ERG: variants seen among roughly 807,000 people sequenced by gnomAD.
The protein encoded by ERG is ETS transcription factor ERG.
A neutral mutation model predicts 55.3 loss-of-function variants in ERG; 9 were observed. The observed-to-expected ratio is 0.16, with a 90% CI of 0.10 to 0.28. ERG has a LOEUF of 0.28. Ranked by LOEUF, ERG falls within the 10% of genes least tolerant of loss-of-function variation. The pLI is 1.00. For synonymous variants in ERG, 223 were observed against 237.3 expected, an observed-to-expected ratio of 0.94 and a Z score of 0.55; for missense variants, 434 against 631.6, an observed-to-expected ratio of 0.69 and a Z score of 3.35.
chr21:38,376,834 A>C (rs1987256289), downstream of ERG, among the ~76,000 whole-genome samples: 1 of 152,322 alleles, frequency 6.6e-6, no homozygotes, highest in African/African-American at 2.4e-5. Flanking sequence ...TGTGTTCTCC[A>C]TCAAAGCGGC....
chr21:38,480,589 G>C (rs1394800163), intron 1 of ERG, among the ~76,000 whole-genome samples: 1 of 36,894 alleles, frequency 2.7e-5, no homozygotes, highest in Non-Finnish European at 6.7e-5. Context: ...GCACTATATG[G>C]CCTTTTTTTT....
chr21:38,527,369 T>C (rs75562708), intron 2 of ERG, among the ~76,000 whole-genome samples: 1,715 of 152,306 alleles, frequency 0.011, 42 homozygotes, highest in African/African-American at 0.039. Context: ...TCAGAATCTC[T>C]GAGGTGGACC....
chr21:38,623,608 T>A (rs1294745653), intron 1 of ERG, among the ~76,000 whole-genome samples: 1 of 152,184 alleles, frequency 6.6e-6, no homozygotes, highest in African/African-American at 2.4e-5. Flanking sequence ...AGAGCTCATG[T>A]GTGTGTTAGT....
At chr21:38,525,727 A>C (rs540718988) in intron 2 of ERG, among the ~76,000 whole-genome samples, 1 of 152,276 alleles carries the variant, frequency 6.6e-6, no homozygotes, top group South Asian at 2.1e-4. Flanking sequence ...ACCTCTAGAC[A>C]TCTCCTGCCA....
chr21:38,484,186 A>C (rs1052191716), intron 1 of ERG, among the ~76,000 whole-genome samples: 1 of 152,122 alleles, frequency 6.6e-6, no homozygotes, highest in African/African-American at 2.4e-5. Flanking sequence ...GCTGGTCGTG[A>C]ACTCCTGAGC....
At chr21:38,430,091 T>A (rs1895648937) in intron 2 of ERG, among the ~76,000 whole-genome samples, 1 of 150,628 alleles carries the variant, frequency 6.6e-6, no homozygotes, top group Admixed American at 6.6e-5. Flanking sequence ...ATTTTTTTTT[T>A]ATTTTTAATG....
intron 1 of ERG, among the ~76,000 whole-genome samples, chr21:38,659,857 C>G (rs1454723236): frequency 6.6e-6 from 1 of 152,190 alleles, no homozygotes; most frequent in Admixed American, 6.5e-5. Context: ...CATACCATAG[C>G]AATAAACGGA....
intron 1 of ERG, among the ~76,000 whole-genome samples, chr21:38,596,585 T>G (rs960388425): frequency 3.3e-5 from 5 of 152,220 alleles, no homozygotes; most frequent in Non-Finnish European, 2.9e-5. Context: ...TTGACAGAAC[T>G]AATCCTTCTG....
chr21:38,485,126 AC>A (rs2059271213), intron 1 of ERG, among the ~76,000 whole-genome samples: 1 of 152,160 alleles, frequency 6.6e-6, no homozygotes, highest in African/African-American at 2.4e-5. Context: ...GTCCCTGCAG[AC>A]CTTCCAGTGG....
At chr21:38,659,545 GTAAA>G (rs2060539484) in intron 1 of ERG, among the ~76,000 whole-genome samples, 1 of 152,216 alleles carries the variant, frequency 6.6e-6, no homozygotes, top group Non-Finnish European at 1.5e-5. Context: ...AGTCCCAAAG[GTAAA>G]TAAACTCTGT....
intron 1 of ERG, among the ~76,000 whole-genome samples, chr21:38,649,145 GAGTACATTTC>G (rs1252483098): frequency 1.3e-5 from 2 of 152,192 alleles, no homozygotes; most frequent in African/African-American, 4.8e-5. Context: ...CAGTTTCCAA[GAGTACATTTC>G]AGCCATTTCG....
intron 1 of ERG, among the ~76,000 whole-genome samples, chr21:38,466,430 C>A (rs536870579): frequency 2.6e-5 from 4 of 151,860 alleles, no homozygotes; most frequent in Admixed American, 6.6e-5. Context: ...TTTAGGTAGG[C>A]ACACTGGAAT....
intron 3 of ERG, among the ~76,000 whole-genome samples, chr21:38,415,154 A>T (rs963947587): frequency 6.6e-6 from 1 of 152,240 alleles, no homozygotes; most frequent in Non-Finnish European, 1.5e-5. Flanking sequence ...GTCAGAAAGA[A>T]CTGGGTTCGA....
At chr21:38,557,545 A>G (rs1215100639) in intron 2 of ERG, among the ~76,000 whole-genome samples, 7 of 152,136 alleles carry the variant, frequency 4.6e-5, no homozygotes, top group Admixed American at 4.6e-4. Flanking sequence ...ATGATCAAAC[A>G]TATATTAGCT....
At chr21:38,501,625 C>A (rs1395426406), upstream of ERG, among the ~76,000 whole-genome samples, 1 of 152,160 alleles carries the variant, frequency 6.6e-6, no homozygotes, top group South Asian at 2.1e-4. Flanking sequence ...CAATCTGGCA[C>A]ACGGCCCCTA....
chr21:38,616,961 T>G (rs113222344), intron 1 of ERG, among the ~76,000 whole-genome samples: 256 of 152,326 alleles, frequency 1.7e-3, no homozygotes, highest in Non-Finnish European at 3.1e-3. Context: ...ATATAACTCT[T>G]ACCTACAATT....
chr21:38,645,501 A>T (rs1032128118), intron 1 of ERG, among the ~76,000 whole-genome samples: 3 of 152,228 alleles, frequency 2.0e-5, no homozygotes, highest in African/African-American at 7.2e-5. Context: ...TAAGGGCAAG[A>T]ATTCACAGAC....
chr21:38,495,101 A>T (rs571997821), intron 1 of ERG, among the ~76,000 whole-genome samples: 1 of 152,276 alleles, frequency 6.6e-6, no homozygotes, highest in Non-Finnish European at 1.5e-5. Context: ...CAGGTTGATG[A>T]AAAATCATAA....
At chr21:38,538,699 C>CA (rs2059729405) in intron 2 of ERG, among the ~76,000 whole-genome samples, 1 of 151,976 alleles carries the variant, frequency 6.6e-6, no homozygotes, top group African/African-American at 2.4e-5. Context: ...ACTATATGGC[C>CA]AAACATGACT....
Sources: allele counts gnomAD v4.1 joint callset (sites outside exome capture counted in the v4.1 genomes callset), GRCh38; gene constraint gnomAD v4.1.1; transcripts MANE v1.5; gene names NCBI Gene and HGNC (gene_info 2026-07-23, HGNC 2026-07-21).